Variants in SORCS2 observed in about 807,000 individuals in gnomAD.
SORCS2 encodes VPS10 domain-containing receptor SorCS2.
SORCS2 carries 100 observed loss-of-function variants against 141.6 expected under a neutral mutation model. That is an observed-to-expected ratio of 0.71 (90% confidence interval 0.60 to 0.83). The LOEUF is 0.83. SORCS2 is among the 40% of genes least tolerant of loss of function. The pLI is 0.00. For synonymous variants in SORCS2, 789 were observed against 676.9 expected (o/e 1.17, Z -2.57); for missense variants, 1,646 against 1,560.2 (o/e 1.05, Z -0.93).
In SORCS2 at chr4:7,252,529, A is replaced by G. The variant is rs553777083; in HGVS notation, c.480+59403A>G. On this transcript the variant is annotated intron_variant, in intron 1 of 26. Coordinates refer to ENST00000507866, the MANE Select transcript of SORCS2 (RefSeq NM_020777.3). ...TGTGTTACTTTTATAACACAAAAGA[A>G]ATAATAGAGTGATTTGACTTTTGAA... Among the ~76,000 whole-genome samples, 15 of 152,380 alleles carry G rather than the reference A, an allele frequency of 9.8e-5. No individual in the cohort carries two copies. In the South Asian group the frequency reaches 3.1e-3, roughly 32 times the overall value.
chr4:7,558,811 G>A (rs900507998), intron 3 of SORCS2, among the ~76,000 whole-genome samples: 7 of 152,074 alleles, frequency 4.6e-5, no homozygotes, highest in African/African-American at 1.4e-4. Flanking sequence ...CCCTGGCCCC[G>A]CCTCACCCTA....
chr4:7,602,902 A>G (rs1249704672), intron 3 of SORCS2, among the ~76,000 whole-genome samples: 1 of 152,226 alleles, frequency 6.6e-6, no homozygotes, highest in Non-Finnish European at 1.5e-5. Flanking sequence ...TCCGTCTGCA[A>G]TCCCGGCACC....
chr4:7,261,674 G>A (rs980235203), intron 1 of SORCS2, among the ~76,000 whole-genome samples: 2 of 152,184 alleles, frequency 1.3e-5, no homozygotes, highest in Non-Finnish European at 2.9e-5. Context: ...ACAGCAGATC[G>A]GGAATCAGGC....
chr4:7,336,595 T>TC lies in SORCS2; in HGVS notation c.481-59692dup, dbSNP rs534021185. ...TTTCTAGGGTCCCAGGACCTCCTGT[T>TC]CGCATCTTGGTGGAAGCGCCAGTAG... On this transcript the variant is annotated intron_variant, in intron 1 of 26. Coordinates refer to ENST00000507866, the MANE Select transcript of SORCS2 (RefSeq NM_020777.3). Among the ~76,000 whole-genome samples the TC allele has an allele frequency of 5.2e-5, 4 of 77,234 alleles. 1 individual carries two copies. The South Asian group carries it at 1.8e-3, about 35-fold the overall frequency. The allele number at this position is 77,234 out of a possible 152,430, so 50.7% of individuals were successfully genotyped here.
chr4:7,508,584 C>T (rs1732417684), intron 2 of SORCS2, among the ~76,000 whole-genome samples: 1 of 152,034 alleles, frequency 6.6e-6, no homozygotes, highest in Admixed American at 6.5e-5. Flanking sequence ...GTGATCCATC[C>T]ACCTTGGCCT....
chr4:7,618,058 A>G (rs1560429868), intron 3 of SORCS2, among the ~76,000 whole-genome samples: 1 of 151,834 alleles, frequency 6.6e-6, no homozygotes. Flanking sequence ...TCAAAGTCCA[A>G]ACTCAGATCT....
intron 12 of SORCS2, among the ~76,000 whole-genome samples, chr4:7,700,684 A>G (rs10001673): frequency 0.67 from 101,809 of 151,822 alleles, 34,316 homozygotes; most frequent in East Asian, 0.76. Flanking sequence ...TCCCGGCATG[A>G]CAACTCCCCT....
chr4:7,462,693 CT>C (rs35727252), intron 2 of SORCS2, among the ~76,000 whole-genome samples: 321 of 151,910 alleles, frequency 2.1e-3, no homozygotes, highest in Non-Finnish European at 3.3e-3. Flanking sequence ...GGCTCTGGGT[CT>C]GGCACGCAGG....
chr4:7,512,940 T>C (rs1209356178), intron 2 of SORCS2, among the ~76,000 whole-genome samples: 1 of 152,194 alleles, frequency 6.6e-6, no homozygotes, highest in African/African-American at 2.4e-5. Flanking sequence ...TTGGCACATT[T>C]TCACACCTCC....
chr4:7,254,536 A>G (rs1713717974), intron 1 of SORCS2, among the ~76,000 whole-genome samples: 1 of 152,194 alleles, frequency 6.6e-6, no homozygotes. Context: ...CAGGAGCATG[A>G]TGACAAGTTG....
rs191425513 is a variant in SORCS2, at chr4:7,598,203, G to A, written c.649-40125G>A. Among the ~76,000 whole-genome samples the A allele has an allele frequency of 3.2e-3, 480 of 152,092 alleles. 2 individuals are homozygous for A. The highest frequency in any genetic ancestry group is 5.5e-3 in the Non-Finnish European group (376 of 67,972). On this transcript the variant is annotated intron_variant, in intron 3 of 26. Coordinates refer to ENST00000507866, the MANE Select transcript of SORCS2 (RefSeq NM_020777.3). ...AGGCTGGTCTTGAACTCCTGACCTC[G>A]TGATCTGCCTGCCTCAGCCTTCCAA... is the stretch of plus-strand genomic sequence containing the variant.
intron 4 of SORCS2, among the ~76,000 whole-genome samples, chr4:7,652,482 G>A (rs1251846384): frequency 6.6e-6 from 1 of 152,056 alleles, no homozygotes; most frequent in Non-Finnish European, 1.5e-5. Context: ...CCAGACCTGG[G>A]GCACTGACCC....
At chr4:7,511,482 G>A (rs115415471) in intron 2 of SORCS2, among the ~76,000 whole-genome samples, 1 of 142,782 alleles carries the variant, frequency 7.0e-6, no homozygotes, top group Non-Finnish European at 1.5e-5. Context: ...CTTGGGGGAG[G>A]GGGGGTGGAG....
chr4:7,351,911 T>A (rs1302850443), intron 1 of SORCS2, among the ~76,000 whole-genome samples: 1 of 152,110 alleles, frequency 6.6e-6, no homozygotes, highest in African/African-American at 2.4e-5. Context: ...CTACTGTCCA[T>A]CTACCTACTC....
intron 3 of SORCS2, among the ~76,000 whole-genome samples, chr4:7,542,016 C>T (rs1712712956): frequency 6.6e-6 from 1 of 152,212 alleles, no homozygotes; most frequent in Admixed American, 6.5e-5. Context: ...GCCCCATTCC[C>T]CTTTTGTAAC....
intron 2 of SORCS2, among the ~76,000 whole-genome samples, chr4:7,444,860 G>A (rs1056736542): frequency 1.3e-5 from 2 of 152,258 alleles, no homozygotes; most frequent in African/African-American, 4.8e-5. Flanking sequence ...TTTGTAGTTG[G>A]TTTGAATGTG....
chr4:7,440,619 G>A (rs995819128), intron 2 of SORCS2, among the ~76,000 whole-genome samples: 1 of 152,188 alleles, frequency 6.6e-6, no homozygotes, highest in Non-Finnish European at 1.5e-5. Flanking sequence ...CTGGAACTTG[G>A]GGGCCTAGAC....
chr4:7,592,683 C>T (rs1339898450), intron 3 of SORCS2, among the ~76,000 whole-genome samples: 2 of 152,210 alleles, frequency 1.3e-5, no homozygotes, highest in African/African-American at 2.4e-5. Context: ...TGTGCCAACC[C>T]ACTATGGACA....
chr4:7,436,374 A>G (rs1178095174), intron 2 of SORCS2, among the ~76,000 whole-genome samples: 1 of 152,226 alleles, frequency 6.6e-6, no homozygotes, highest in East Asian at 1.9e-4. Flanking sequence ...CTCGCATCCC[A>G]CCAGGACTTT....
Sources: gnomAD v4.1 joint callset for allele counts (sites outside exome capture counted in the v4.1 genomes callset) on GRCh38, gnomAD v4.1.1 for gene constraint, MANE v1.5 for transcripts, NCBI Gene and HGNC (gene_info 2026-07-23, HGNC 2026-07-21) for gene names.